Variants in VPS13B observed in about 807,000 individuals in gnomAD.
VPS13B encodes vacuolar protein sorting 13 homolog B, also known as intermembrane lipid transfer protein VPS13B.
In VPS13B, 285 loss-of-function variants were observed where a neutral mutation model predicts 426.4. The observed-to-expected ratio is 0.67, with a 90% CI of 0.61 to 0.74. The LOEUF is 0.74. VPS13B is among the 30% of genes least tolerant of loss of function. VPS13B has a pLI of 0.00. For synonymous variants in VPS13B, 1,676 were observed against 1,676.4 expected (o/e 1.00, Z 0.01); for missense variants, 4,537 against 4,782.6 (o/e 0.95, Z 1.51).
chr8:99,753,292 G>T lies in VPS13B; in HGVS notation c.7051-13482G>T, dbSNP rs1050415465. ...TGTGGGTAAGGAAACTAAGGCTTAC[G>T]TTGGTTAGGTGACTTTAACTCAAGA... On this transcript the variant is annotated intron_variant, in intron 39 of 61. Coordinates refer to ENST00000357162, the MANE Select transcript of VPS13B (RefSeq NM_152564.5). 2.6e-5 allele frequency among the ~76,000 whole-genome samples: 4 copies of T among 152,250 alleles called. No individual in the cohort carries two copies. The East Asian group carries it at 7.7e-4, about 29-fold the overall frequency.
At chr8:99,378,853 T>C (rs190327539) in intron 19 of VPS13B, among the ~76,000 whole-genome samples, 1 of 152,314 alleles carries the variant, frequency 6.6e-6, no homozygotes, top group African/African-American at 2.4e-5. Context: ...AATTTATGGG[T>C]GTCACATAAC....
chr8:99,156,685 G>C lies in VPS13B; in HGVS notation c.2150G>C (p.Ser717Thr). Residue 717 changes from serine (S) to threonine (T), a missense_variant, in exon 15 of 62, where the codon AGC becomes ACC. This residue lies in a region of VPS13B where 4,311 missense variants were observed against 4,474.3 expected (regional missense o/e 0.96). Coordinates refer to ENST00000357162, the MANE Select transcript of VPS13B (RefSeq NM_152564.5). Reference sequence around the variant, plus strand: ...GAACAGTTGGTGCATGTGGTCAGCAGCCTTACTCAACCTTCTGATAACCTG... The same window carrying C: ...GAACAGTTGGTGCATGTGGTCAGCACCCTTACTCAACCTTCTGATAACCTG... ...YAEQLVHVVS[S>T]LTQPSDNLLH... The C allele has an allele frequency of 5.0e-6, 8 of 1,614,054 alleles. No homozygotes were observed. The highest frequency in any genetic ancestry group is 6.8e-6 in the Non-Finnish European group (8 of 1,179,920).
chr8:99,522,387 C>A (rs552213524), intron 30 of VPS13B, among the ~76,000 whole-genome samples: 1 of 152,174 alleles, frequency 6.6e-6, no homozygotes, highest in South Asian at 2.1e-4. Context: ...AATTCCTTTC[C>A]TTCTGTACCC....
At chr8:99,174,583 A>G (rs767599521) in intron 16 of VPS13B, among the ~76,000 whole-genome samples, 3 of 152,096 alleles carry the variant, frequency 2.0e-5, no homozygotes, top group Non-Finnish European at 4.4e-5. Context: ...TTCATGTCCT[A>G]TCTATTCAAG....
intron 30 of VPS13B, among the ~76,000 whole-genome samples, chr8:99,540,028 TATATATATATATATATATATATATATATA>T (rs1823484005): frequency 8.3e-4 from 1 of 1,208 alleles, no homozygotes; most frequent in Non-Finnish European, 2.4e-3. Context: ...TATATATATA[TATATATATATATATATATATATATATATA>T]TATATATTTT....
intron 26 of VPS13B, 37 bp from the exon 27 acceptor site, chr8:99,502,799 A>G (rs374890954): frequency 2.9e-6 from 4 of 1,401,268 alleles, no homozygotes; most frequent in African/African-American, 1.4e-5. Flanking sequence ...TTAATTGTGA[A>G]GACTGTGTTG....
intron 23 of VPS13B, among the ~76,000 whole-genome samples, chr8:99,462,799 A>C (rs1023120549): frequency 6.6e-6 from 1 of 152,168 alleles, no homozygotes; most frequent in Non-Finnish European, 1.5e-5. Context: ...CTTAAGATGA[A>C]GAGGAAGAAA....
At chr8:99,555,630 T>A (rs1824519906) in intron 30 of VPS13B, among the ~76,000 whole-genome samples, 1 of 152,192 alleles carries the variant, frequency 6.6e-6, no homozygotes, top group South Asian at 2.1e-4. Context: ...TCAGGCAGAC[T>A]TAAGTTTTCT....
At chr8:99,566,056 G>T (rs184043089) in intron 31 of VPS13B, among the ~76,000 whole-genome samples, 80 of 152,270 alleles carry the variant, frequency 5.3e-4, no homozygotes, top group African/African-American at 1.9e-3. Context: ...AAGGATTCAT[G>T]TTACAACAGG....
Position 99,809,269 on chromosome 8 carries a change from C to T in VPS13B, c.7942-106C>T, listed in dbSNP as rs1226619752. The T allele has an allele frequency of 2.8e-6, 4 of 1,445,968 alleles. No homozygotes were observed. In the East Asian group the frequency reaches 9.3e-5, roughly 33 times the overall value. The allele number at this position is 1,445,968 out of a possible 1,614,324, so 89.6% of individuals were successfully genotyped here. ...ATGCAGGTTAGAAAGAAAACAGATG[C>T]AAAATATTACAAATGGAAAGGTTTT... On this transcript the variant is annotated intron_variant, in intron 43 of 61. Transcript: ENST00000357162.
chr8:99,382,589 G>A (rs554601090), intron 19 of VPS13B, among the ~76,000 whole-genome samples: 157 of 152,228 alleles, frequency 1.0e-3, no homozygotes, highest in Non-Finnish European at 1.7e-3. Context: ...AAATGTGAAT[G>A]GATTGCATTC....
intron 33 of VPS13B, among the ~76,000 whole-genome samples, chr8:99,596,987 C>T (rs900425984): frequency 6.6e-6 from 1 of 152,032 alleles, no homozygotes. Flanking sequence ...ATACTTCGAA[C>T]ATATCCTCAA....
chr8:99,431,471 G>A (rs555446959), intron 21 of VPS13B, 66 bp from the exon 22 acceptor site: 21 of 1,564,246 alleles, frequency 1.3e-5, no homozygotes, highest in Admixed American at 6.7e-5. Context: ...TTGAAAATAC[G>A]TTTGGTATGT....
At chr8:99,233,704 C>T (rs1816483322) in intron 17 of VPS13B, 2 of 788,146 alleles carry the variant, frequency 2.5e-6, no homozygotes, top group Non-Finnish European at 4.7e-6. Context: ...TGCTCAAATC[C>T]TGCAAGGATG....
At chr8:99,447,039 C>T (rs1397587188) in intron 23 of VPS13B, among the ~76,000 whole-genome samples, 1 of 152,064 alleles carries the variant, frequency 6.6e-6, no homozygotes, top group Non-Finnish European at 1.5e-5. Context: ...AAACTTTTAA[C>T]TTACGTGATT....
chr8:99,147,854 A>C lies in VPS13B; in HGVS notation c.1857A>C (p.Glu619Asp). ...YSRLKSDIKD[E>D]NETILNPEEV... ...TTTTAATTTTAGATATTAAGGATGA[A>C]AATGAAACAATACTGAATCCTGAAG... The change falls in exon 14 of 62, where the codon GAA (glutamate) becomes GAC (aspartate). Residue 619 changes from glutamate to aspartate, a missense_variant. This residue lies in a region of VPS13B where 4,311 missense variants were observed against 4,474.3 expected (regional missense o/e 0.96). Coordinates refer to ENST00000357162, the MANE Select transcript of VPS13B (RefSeq NM_152564.5). 2 of 1,519,570 alleles carry C rather than the reference A, an allele frequency of 1.3e-6. No individual in the cohort carries two copies. Among genetic ancestry groups the C allele is most frequent in the Non-Finnish European group, 1.8e-6 (2 of 1,131,514 alleles). 94.1% of individuals were successfully genotyped at this position (1,519,570 alleles called of 1,614,324 possible). A position where few individuals can be genotyped will look rare whatever the true frequency, so the allele number is the denominator to read the frequency against.
intron 17 of VPS13B, among the ~76,000 whole-genome samples, chr8:99,261,832 T>C (rs1165087537): frequency 6.6e-6 from 1 of 152,128 alleles, no homozygotes; most frequent in Non-Finnish European, 1.5e-5. Flanking sequence ...TTCATACAAT[T>C]TTAGAGTTAG....
intron 42 of VPS13B, among the ~76,000 whole-genome samples, chr8:99,783,805 T>C (rs1428347775): frequency 6.6e-6 from 1 of 152,166 alleles, no homozygotes; most frequent in Non-Finnish European, 1.5e-5. Flanking sequence ...ACTGAGCAGA[T>C]TTACACACAC....
intron 19 of VPS13B, among the ~76,000 whole-genome samples, chr8:99,361,577 C>T (rs1812559635): frequency 6.6e-6 from 1 of 152,080 alleles, no homozygotes; most frequent in Non-Finnish European, 1.5e-5. Flanking sequence ...TTATTTTAAC[C>T]CTACTAGGTT....
Sources: gnomAD v4.1 joint callset for allele counts (sites outside exome capture counted in the v4.1 genomes callset) on GRCh38, gnomAD v4.1.1 for gene constraint, gnomAD v4.1.1 regional missense constraint, MANE v1.5 for transcripts, NCBI Gene and HGNC (gene_info 2026-07-23, HGNC 2026-07-21) for gene names.